Variants in EXOC1L observed in about 807,000 individuals in gnomAD.
The protein encoded by EXOC1L is exocyst complex component 1 like.
A neutral mutation model predicts 4.9 loss-of-function variants in EXOC1L; 10 were observed. The ratio of observed to expected loss-of-function variants is 2.02; its 90% CI spans 1.25 to 3.43. The LOEUF is 3.43. Ranked by LOEUF, EXOC1L falls within the 30% of genes most tolerant of loss-of-function variation. The pLI is 0.00. For synonymous variants in EXOC1L, 41 were observed against 20.8 expected, an observed-to-expected ratio of 1.97 and a Z score of -2.63; for missense variants, 114 against 59.4, an observed-to-expected ratio of 1.92 and a Z score of -3.02.
At chr4:55,833,234 A>G (rs548789191) in intron 2 of EXOC1L, among the ~76,000 whole-genome samples, 12 of 151,922 alleles carry the variant, frequency 7.9e-5, no homozygotes, top group Non-Finnish European at 1.5e-4. Flanking sequence ...AGAATATCTC[A>G]GAACACAATT....
intron 2 of EXOC1L, among the ~76,000 whole-genome samples, chr4:55,834,985 A>T (rs1349632849): frequency 6.6e-6 from 1 of 151,520 alleles, no homozygotes; most frequent in Non-Finnish European, 1.5e-5. Flanking sequence ...TGCTCATCCT[A>T]CCCTTTCCTT....
chr4:55,837,308 C>A lies in EXOC1L; in HGVS notation c.476C>A (p.Ala159Asp). Residue 159 changes from alanine to aspartate, a missense_variant, in exon 3 of 3, where the codon GCT becomes GAT. Ala to Asp is a moderately radical substitution (Grantham distance 126, BLOSUM62 -2). Coordinates refer to ENST00000636125, the MANE Select transcript of EXOC1L (RefSeq NM_001351574.3). ...CLVLMRICFY[A>D]FNLVCLSLCP... ...GTCCTTATGAGAATATGCTTTTACGCTTTCAATCTTGTGTGCTTGTCCCTA... is the reference window on the plus strand; with the variant it reads ...GTCCTTATGAGAATATGCTTTTACGATTTCAATCTTGTGTGCTTGTCCCTA... The A allele has an allele frequency of 3.0e-6, 2 of 664,764 alleles. No individual in the cohort carries two copies. The highest frequency in any genetic ancestry group is 2.1e-5 in the Admixed American group (1 of 47,746). The allele number at this position is 664,764 out of a possible 1,614,324, so 41.2% of individuals were successfully genotyped here.
chr4:55,823,020 T>A (rs1304867324), intron 1 of EXOC1L, among the ~76,000 whole-genome samples: 6 of 150,992 alleles, frequency 4.0e-5, no homozygotes, highest in Non-Finnish European at 8.9e-5. Flanking sequence ...ATTGATATAT[T>A]GTATATTATG....
chr4:55,831,492 T>C, intron 2 of EXOC1L, 28 bp downstream of exon 2: 1 of 665,632 alleles, frequency 1.5e-6, no homozygotes, highest in Non-Finnish European at 2.7e-6. Context: ...TAAGGAGATG[T>C]GGAATCAATA....
intron 1 of EXOC1L, among the ~76,000 whole-genome samples, chr4:55,826,697 G>T (rs1719893888): frequency 6.6e-6 from 1 of 152,162 alleles, no homozygotes; most frequent in Non-Finnish European, 1.5e-5. Flanking sequence ...TTTCCACTTT[G>T]CCACTGCATT....
At chr4:55,830,478 C>G (rs553923030) in intron 1 of EXOC1L, among the ~76,000 whole-genome samples, 11 of 152,290 alleles carry the variant, frequency 7.2e-5, no homozygotes, top group South Asian at 2.1e-4. Context: ...GCATCTATTA[C>G]AGTTCTATCA....
intron 1 of EXOC1L, among the ~76,000 whole-genome samples, chr4:55,824,698 A>T (rs922687148): frequency 1.3e-5 from 2 of 152,100 alleles, no homozygotes; most frequent in Admixed American, 6.5e-5. Flanking sequence ...TGACTCTCCA[A>T]ATCAGGGTAA....
intron 2 of EXOC1L, among the ~76,000 whole-genome samples, chr4:55,831,996 C>T (rs549512886): frequency 1.3e-5 from 2 of 152,058 alleles, no homozygotes; most frequent in African/African-American, 2.4e-5. Flanking sequence ...GATGGAGAAC[C>T]CTTCCCCCTT....
chr4:55,829,143 C>T (rs78932339), intron 1 of EXOC1L, among the ~76,000 whole-genome samples: 6,096 of 152,214 alleles, frequency 0.04, 176 homozygotes, highest in Admixed American at 0.083. Context: ...TTTTCCACGT[C>T]TTTATCCATG....
intron 2 of EXOC1L, among the ~76,000 whole-genome samples, chr4:55,835,410 T>C (rs1220618878): frequency 1.3e-5 from 2 of 151,978 alleles, no homozygotes; most frequent in African/African-American, 2.4e-5. Flanking sequence ...GTTCTACTTT[T>C]AGTTCTTTAA....
rs1482283629 is a variant in EXOC1L at position 55,829,199 on chromosome 4, A to G, written c.122-2135A>G. 3.3e-5 allele frequency among the ~76,000 whole-genome samples: 5 copies of G among 152,302 alleles called. No individual in the cohort carries two copies. The East Asian group carries it at 9.7e-4, about 29-fold the overall frequency. On this transcript the variant is annotated intron_variant, in intron 1 of 2. Coordinates refer to ENST00000636125, the MANE Select transcript of EXOC1L (RefSeq NM_001351574.3). ...TTACTACAACAGCCTCTTAAAACAA[A>G]CAAAACAAAACAAAACATTTTTAAC... is the stretch of plus-strand genomic sequence containing the variant.
intron 1 of EXOC1L, among the ~76,000 whole-genome samples, chr4:55,824,837 T>G (rs1394242191): frequency 6.6e-6 from 1 of 152,190 alleles, no homozygotes; most frequent in Non-Finnish European, 1.5e-5. Context: ...GTAGGGATAT[T>G]ATCATTATCT....
rs555064693 is a variant in EXOC1L at position 55,819,817 on chromosome 4, C to T, written c.-210C>T. The T allele has an allele frequency of 1.2e-4, 42 of 347,802 alleles. No individual in the cohort carries two copies. In the East Asian group the frequency reaches 1.7e-3, roughly 14 times the overall value. The allele number at this position is 347,802 out of a possible 1,614,324, so 21.5% of individuals were successfully genotyped here. A position where few individuals can be genotyped will look rare whatever the true frequency, so the allele number is the denominator to read the frequency against. ...TTGGCTGCCGCCGCCGCTGCTGCCA[C>T]TGGGCAGATACCGCAGTGAGGGGTC... On this transcript the variant is annotated 5_prime_UTR_variant, in exon 1 of 3. Transcript: ENST00000636125.
intron 1 of EXOC1L, among the ~76,000 whole-genome samples, chr4:55,821,761 T>C (rs1340158691): frequency 6.6e-6 from 1 of 152,232 alleles, no homozygotes. Flanking sequence ...AAGACAATAT[T>C]GTGCTATTCT....
At chr4:55,835,028 C>T (rs1376001626) in intron 2 of EXOC1L, among the ~76,000 whole-genome samples, 1 of 151,640 alleles carries the variant, frequency 6.6e-6, no homozygotes, top group Non-Finnish European at 1.5e-5. Context: ...CATTCTTATG[C>T]TTTTGCATAC....
At position 55,820,001 on chromosome 4, in the gene EXOC1L, C is replaced by T; in HGVS notation, c.-26C>T. ...AGGAAAGAGTGAGCTTGAGCCAAGA[C>T]ATCAGGCCAAGTGGAACTGGAGGAA... On this transcript the variant is annotated 5_prime_UTR_variant, in exon 1 of 3. Transcript: ENST00000636125. 1 of 398,992 alleles carries T rather than the reference C, an allele frequency of 2.5e-6. No homozygotes were observed. Among genetic ancestry groups the T allele is most frequent in the Non-Finnish European group, 4.4e-6 (1 of 226,116 alleles). 24.7% of individuals were successfully genotyped at this position (398,992 alleles called of 1,614,324 possible). A position where few individuals can be genotyped will look rare whatever the true frequency, so the allele number is the denominator to read the frequency against.
intron 1 of EXOC1L, among the ~76,000 whole-genome samples, chr4:55,827,657 C>T (rs1719919486): frequency 6.6e-6 from 1 of 152,162 alleles, no homozygotes; most frequent in Non-Finnish European, 1.5e-5. Context: ...GGAATTTGCT[C>T]CATGAAAATT....
chr4:55,833,684 A>G (rs1720090520), intron 2 of EXOC1L, among the ~76,000 whole-genome samples: 1 of 151,866 alleles, frequency 6.6e-6, no homozygotes, highest in Admixed American at 6.6e-5. Context: ...AGTTTGCTCA[A>G]TGCCTAGGAT....
intron 2 of EXOC1L, among the ~76,000 whole-genome samples, chr4:55,831,819 T>C (rs973921978): frequency 2.6e-5 from 4 of 152,030 alleles, no homozygotes; most frequent in Non-Finnish European, 1.5e-5. Context: ...TTTAGGGGAT[T>C]TCTTCCCTCA....
Sources: gnomAD v4.1 joint callset for allele counts (sites outside exome capture counted in the v4.1 genomes callset) on GRCh38, gnomAD v4.1.1 for gene constraint, MANE v1.5 for transcripts, NCBI Gene and HGNC (gene_info 2026-07-23, HGNC 2026-07-21) for gene names.